SNX27: variants seen among roughly 807,000 people sequenced by gnomAD.
The protein encoded by SNX27 is sorting nexin-27.
Under a neutral mutation model 71.6 loss-of-function variants are expected in SNX27, and 22 were observed. The ratio of observed to expected loss-of-function variants is 0.31; its 90% CI spans 0.22 to 0.44. The LOEUF (loss-of-function observed/expected upper bound fraction) is 0.44. SNX27 is among the 20% of genes least tolerant of loss of function. The probability of loss-of-function intolerance (pLI) is 1.00; values close to 1 mark genes in which losing one functional copy is unlikely to be tolerated. For synonymous variants in SNX27, 269 were observed against 277.2 expected (o/e 0.97, Z 0.29); for missense variants, 531 against 698.6 (o/e 0.76, Z 2.70).
At chr1:151,643,999 C>T (rs936219958) in intron 2 of SNX27, among the ~76,000 whole-genome samples, 1 of 152,046 alleles carries the variant, frequency 6.6e-6, no homozygotes, top group Non-Finnish European at 1.5e-5. Context: ...TGCAGTGAGC[C>T]CAGATCACAC....
At position 151,648,582 on chromosome 1, in the gene SNX27, G is replaced by A. The variant is rs969459279; in HGVS notation, c.543+9463G>A. Among the ~76,000 whole-genome samples the A allele has an allele frequency of 2.6e-5, 4 of 152,004 alleles. No individual in the cohort carries two copies. In the East Asian group the frequency reaches 7.7e-4, roughly 29 times the overall value. ...TTACAGGCATGAACCACCACGCCTG[G>A]CTAATTTTGTATTTTTAGTAGAGAC... On this transcript the variant is annotated intron_variant, in intron 2 of 11. Coordinates refer to ENST00000458013, the MANE Select transcript of SNX27 (RefSeq NM_001330723.2).
intron 1 of SNX27, among the ~76,000 whole-genome samples, chr1:151,631,031 CAAAAA>C (rs903260068): frequency 6.6e-6 from 1 of 151,378 alleles, no homozygotes; most frequent in Non-Finnish European, 1.5e-5. Flanking sequence ...GACTCCGTCT[CAAAAA>C]AAAGAATATT....
chr1:151,687,872 C>T (rs1671253281), intron 8 of SNX27, among the ~76,000 whole-genome samples: 1 of 150,830 alleles, frequency 6.6e-6, no homozygotes, highest in South Asian at 2.1e-4. Flanking sequence ...GGCGTGAACC[C>T]AGGAGGCGGA....
intron 8 of SNX27, among the ~76,000 whole-genome samples, chr1:151,686,835 T>C (rs1411699890): frequency 6.6e-6 from 1 of 152,214 alleles, no homozygotes. Flanking sequence ...AATGAACTTC[T>C]CAGTTTTAGT....
At chr1:151,686,498 A>G (rs1376279370) in intron 8 of SNX27, among the ~76,000 whole-genome samples, 2 of 152,246 alleles carry the variant, frequency 1.3e-5, no homozygotes, top group African/African-American at 4.8e-5. Flanking sequence ...ATGCTTAAAC[A>G]TTTGTGGAAT....
chr1:151,622,307 A>G (rs917305348), intron 1 of SNX27, among the ~76,000 whole-genome samples: 1 of 152,138 alleles, frequency 6.6e-6, no homozygotes, highest in African/African-American at 2.4e-5. Context: ...GTTCACATTC[A>G]TGTACAGGAC....
intron 1 of SNX27, among the ~76,000 whole-genome samples, chr1:151,630,731 TAGTC>T (rs1168113320): frequency 1.3e-5 from 2 of 152,140 alleles, no homozygotes; most frequent in African/African-American, 4.8e-5. Context: ...CTTATATAAT[TAGTC>T]AGTAAGAATA....
chr1:151,675,693 G>A (rs1319339702), intron 7 of SNX27, among the ~76,000 whole-genome samples: 1 of 147,948 alleles, frequency 6.8e-6, no homozygotes, highest in Non-Finnish European at 1.5e-5. Context: ...GAGCCAGGTT[G>A]TTTTTTGAGT....
chr1:151,666,767 T>C (rs1670205761), intron 6 of SNX27: 1 of 152,238 alleles, frequency 6.6e-6, no homozygotes, highest in Non-Finnish European at 1.5e-5. Context: ...GTAGAATAAC[T>C]TTGATTCCCC....
chr1:151,635,428 G>C (rs1439753462), intron 1 of SNX27, among the ~76,000 whole-genome samples: 1 of 152,158 alleles, frequency 6.6e-6, no homozygotes, highest in African/African-American at 2.4e-5. Context: ...CCTGAAGTCT[G>C]TACTGCTGAA....
chr1:151,668,043 G>T, intron 6 of SNX27, among the ~76,000 whole-genome samples: 1 of 152,146 alleles, frequency 6.6e-6, no homozygotes, highest in Non-Finnish European at 1.5e-5. Context: ...GATTCTGCTG[G>T]TTTTCAGCTG....
intron 1 of SNX27, among the ~76,000 whole-genome samples, chr1:151,618,092 C>G (rs1394594456): frequency 6.6e-6 from 1 of 151,528 alleles, no homozygotes; most frequent in Non-Finnish European, 1.5e-5. Context: ...TCTTGAACCC[C>G]TGGCCTCAAG....
intron 1 of SNX27, among the ~76,000 whole-genome samples, chr1:151,638,429 T>A (rs1003159481): frequency 6.6e-6 from 1 of 152,218 alleles, no homozygotes; most frequent in Admixed American, 6.5e-5. Flanking sequence ...ATTTACAAAT[T>A]AAGAGAATTT....
At chr1:151,642,213 C>T (rs910953076) in intron 2 of SNX27, among the ~76,000 whole-genome samples, 1 of 151,324 alleles carries the variant, frequency 6.6e-6, no homozygotes, top group African/African-American at 2.4e-5. Flanking sequence ...ATGGTGAAAC[C>T]CCGTCTCTAC....
chr1:151,612,364 T>C lies in SNX27; in HGVS notation c.163T>C (p.Phe55Leu). The C allele has an allele frequency of 6.5e-7, 1 of 1,549,914 alleles. No homozygotes were observed. The highest frequency in any genetic ancestry group is 1.2e-5 in the South Asian group (1 of 83,960). Residue 55 changes from phenylalanine to leucine, a missense_variant, in exon 1 of 12, where the codon TTC (phenylalanine) becomes CTC (leucine). Around this residue, in one of 5 missense-constraint regions of SNX27, gnomAD observed 130 missense variants for 143.5 expected, o/e 0.91. Transcript: ENST00000458013. The surrounding 1 kb of genome is among the most constrained non-coding windows in gnomAD (Gnocchi z 5.2). The part of the protein sequence containing the change: ...RIVKSESGYG[F>L]NVRGQVSEGG... ...CGTCAAGTCCGAGTCCGGCTACGGC[T>C]TCAACGTGCGGGGCCAAGTGAGCGA...
At chr1:151,628,004 CTG>C (rs1440423758) in intron 1 of SNX27, among the ~76,000 whole-genome samples, 1 of 137,552 alleles carries the variant, frequency 7.3e-6, no homozygotes, top group Non-Finnish European at 1.6e-5. Flanking sequence ...CTTTTCATGA[CTG>C]TTTTTTTTTT....
chr1:151,616,694 A>G (rs758223354), intron 1 of SNX27, among the ~76,000 whole-genome samples: 32 of 152,168 alleles, frequency 2.1e-4, no homozygotes, highest in Non-Finnish European at 3.7e-4. Flanking sequence ...ACTGAATTCT[A>G]TTTGACTGAT....
chr1:151,638,072 C>T (rs965222817), intron 1 of SNX27, among the ~76,000 whole-genome samples: 1 of 152,218 alleles, frequency 6.6e-6, no homozygotes, highest in African/African-American at 2.4e-5. Context: ...TGACAAAATA[C>T]TTCATCTAAA....
chr1:151,617,581 G>T (rs1250787561), intron 1 of SNX27, among the ~76,000 whole-genome samples: 1 of 152,204 alleles, frequency 6.6e-6, no homozygotes, highest in Non-Finnish European at 1.5e-5. Context: ...ACTGCGCCCA[G>T]TCAGTCTGTA....
Sources: allele counts gnomAD v4.1 joint callset (sites outside exome capture counted in the v4.1 genomes callset), GRCh38; gene constraint gnomAD v4.1.1; regional missense constraint gnomAD v4.1.1; non-coding constraint Gnocchi (gnomAD v3.1); transcripts MANE v1.5; gene names NCBI Gene and HGNC (gene_info 2026-07-23, HGNC 2026-07-21).